STPG2: variants seen among roughly 807,000 people sequenced by gnomAD.
STPG2 encodes sperm tail PG-rich repeat containing 2, also known as sperm-tail PG-rich repeat-containing protein 2.
In STPG2, 56 loss-of-function variants were observed where a neutral mutation model predicts 54.2. That is an observed-to-expected ratio of 1.03 (90% CI 0.83 to 1.29). The LOEUF (loss-of-function observed/expected upper bound fraction) is 1.29. Ranked by LOEUF, STPG2 falls within the 50% of genes most tolerant of loss-of-function variation. The pLI is 0.00. For synonymous variants in STPG2, 200 were observed against 181.8 expected, an observed-to-expected ratio of 1.10 and a Z score of -0.81; for missense variants, 596 against 544.9, an observed-to-expected ratio of 1.09 and a Z score of -0.93.
intron 5 of STPG2, among the ~76,000 whole-genome samples, chr4:98,052,395 A>G (rs1425870797): frequency 6.6e-6 from 1 of 152,204 alleles, no homozygotes; most frequent in Non-Finnish European, 1.5e-5. Flanking sequence ...CATTTTAAAA[A>G]TATTATCTAT....
intron 5 of STPG2, among the ~76,000 whole-genome samples, chr4:98,021,472 A>G (rs1354027858): frequency 2.6e-5 from 4 of 151,644 alleles, no homozygotes; most frequent in Admixed American, 6.6e-5. Flanking sequence ...GTGTGGTGTG[A>G]TGCTGAAAAA....
chr4:97,921,333 A>T (rs574385621), intron 8 of STPG2, among the ~76,000 whole-genome samples: 1 of 152,258 alleles, frequency 6.6e-6, no homozygotes, highest in Non-Finnish European at 1.5e-5. Context: ...CAGTTTCCAA[A>T]GTGGCCTGAC....
chr4:97,957,149 T>C (rs1015920384), intron 7 of STPG2, among the ~76,000 whole-genome samples: 2 of 150,852 alleles, frequency 1.3e-5, no homozygotes, highest in African/African-American at 4.8e-5. Context: ...AATATACATG[T>C]GAAATATATA....
At chr4:97,568,865 A>ATTTCT (rs935653432) in intron 10 of STPG2, among the ~76,000 whole-genome samples, 1 of 151,500 alleles carries the variant, frequency 6.6e-6, no homozygotes, top group Non-Finnish European at 1.5e-5. Flanking sequence ...ATGAACATTA[A>ATTTCT]TTTCTTTTCT....
At chr4:97,940,389 T>A (rs563950248) in intron 8 of STPG2, among the ~76,000 whole-genome samples, 2 of 152,330 alleles carry the variant, frequency 1.3e-5, no homozygotes, top group South Asian at 4.1e-4. Context: ...TCCTTAAATA[T>A]GTTTTCCAAG....
At chr4:97,715,680 A>G (rs936115191) in intron 9 of STPG2, among the ~76,000 whole-genome samples, 1 of 152,138 alleles carries the variant, frequency 6.6e-6, no homozygotes, top group Non-Finnish European at 1.5e-5. Flanking sequence ...TACTTTTTTC[A>G]TATGAAGGTG....
intron 9 of STPG2, among the ~76,000 whole-genome samples, chr4:97,769,783 T>C (rs563661258): frequency 6.6e-6 from 1 of 152,254 alleles, no homozygotes; most frequent in East Asian, 1.9e-4. Context: ...TACATATTTA[T>C]ATGTATAGAC....
At chr4:97,987,923 G>T (rs1020180094) in intron 5 of STPG2, among the ~76,000 whole-genome samples, 3 of 151,798 alleles carry the variant, frequency 2.0e-5, no homozygotes, top group African/African-American at 7.3e-5. Flanking sequence ...CAGTGAAGCA[G>T]CTGTTCCACA....
At chr4:98,104,828 A>G (rs1268997377) in intron 5 of STPG2, among the ~76,000 whole-genome samples, 2 of 152,220 alleles carry the variant, frequency 1.3e-5, no homozygotes, top group African/African-American at 4.8e-5. Context: ...AAAGGAACAC[A>G]CTAAGAAGCA....
chr4:97,986,830 T>C lies in STPG2; in HGVS notation c.613-5512A>G, dbSNP rs1734845523. Among the ~76,000 whole-genome samples, 3 of 152,192 alleles carry C rather than the reference T, an allele frequency of 2.0e-5. No homozygotes were observed. In the South Asian group the frequency reaches 6.2e-4, roughly 32 times the overall value. On this transcript the variant is annotated intron_variant, in intron 5 of 10. Coordinates refer to ENST00000295268, the MANE Select transcript of STPG2 (RefSeq NM_174952.3). ...CTTTAAACATCATTGAATGTGTTGC[T>C]GGCCTCACACTATGCCTATTAGACT...
chr4:97,747,691 G>A (rs1183797695), intron 9 of STPG2, among the ~76,000 whole-genome samples: 1 of 151,114 alleles, frequency 6.6e-6, no homozygotes, highest in African/African-American at 2.4e-5. Context: ...TTTTATTAAT[G>A]TGCATGATTT....
At chr4:97,990,523 T>A (rs1368438923) in intron 5 of STPG2, among the ~76,000 whole-genome samples, 1 of 152,156 alleles carries the variant, frequency 6.6e-6, no homozygotes, top group East Asian at 1.9e-4. Flanking sequence ...GCCCCCCAGT[T>A]CTCATCTTAG....
At chr4:98,011,987 G>C (rs542574046) in intron 5 of STPG2, among the ~76,000 whole-genome samples, 3 of 151,968 alleles carry the variant, frequency 2.0e-5, no homozygotes, top group Non-Finnish European at 2.9e-5. Context: ...TCCGGCTTTT[G>C]TTTCAATTGC....
intron 9 of STPG2, among the ~76,000 whole-genome samples, chr4:97,816,886 CTTTTTT>C (rs1481858858): frequency 1.4e-5 from 2 of 146,514 alleles, no homozygotes; most frequent in African/African-American, 5.0e-5. Flanking sequence ...CTTTCTTTTT[CTTTTTT>C]ATTTCTCTCA....
intron 9 of STPG2, among the ~76,000 whole-genome samples, chr4:97,771,564 G>A (rs952669117): frequency 6.6e-5 from 10 of 152,202 alleles, no homozygotes; most frequent in Non-Finnish European, 1.0e-4. Flanking sequence ...ACATAGGTGA[G>A]CATAGCTAGG....
chr4:97,680,100 G>T (rs1368091314), intron 10 of STPG2, among the ~76,000 whole-genome samples: 1 of 151,624 alleles, frequency 6.6e-6, no homozygotes. Context: ...GGATTGACTT[G>T]GCAATGCAGG....
In STPG2 at chr4:97,563,921, G is replaced by A. The variant is rs1017641706; in HGVS notation, c.1321-4804C>T. Among the ~76,000 whole-genome samples, 16 of 152,170 alleles carry A rather than the reference G, an allele frequency of 1.1e-4. No individual in the cohort carries two copies. The East Asian group carries it at 2.9e-3, about 27-fold the overall frequency. On this transcript the variant is annotated intron_variant, in intron 10 of 10. Transcript: ENST00000295268. Reference sequence around the variant, plus strand: ...AAAATATATATTCTGTTGATTTGTGGTGGAGAGTTCTGTAGATGTCTACTA... The same window carrying A: ...AAAATATATATTCTGTTGATTTGTGATGGAGAGTTCTGTAGATGTCTACTA...
chr4:97,655,437 A>G (rs1578457428), intron 10 of STPG2, among the ~76,000 whole-genome samples: 1 of 152,102 alleles, frequency 6.6e-6, no homozygotes, highest in African/African-American at 2.4e-5. Flanking sequence ...GTTGTGTCTT[A>G]TCTTTTCAGG....
intron 9 of STPG2, among the ~76,000 whole-genome samples, chr4:97,821,943 T>C (rs1253650081): frequency 2.0e-5 from 3 of 152,224 alleles, no homozygotes; most frequent in Non-Finnish European, 4.4e-5. Flanking sequence ...ATGTCTTGGC[T>C]ATTAGCACTT....
Sources: allele counts gnomAD v4.1 joint callset (sites outside exome capture counted in the v4.1 genomes callset), GRCh38; gene constraint gnomAD v4.1.1; transcripts MANE v1.5; gene names NCBI Gene and HGNC (gene_info 2026-07-23, HGNC 2026-07-21).